The following UBAP1 variants were observed in gnomAD, a reference collection of about 807,000 sequenced individuals.
UBAP1 encodes the protein ubiquitin associated protein 1, also known as ubiquitin-associated protein 1.
Under a neutral mutation model 39.0 loss-of-function variants are expected in UBAP1, and 5 were observed. The observed-to-expected ratio is 0.13, with a 90% CI of 0.07 to 0.27. The LOEUF is 0.27. Among genes scored for constraint, UBAP1 ranks in the 10% least tolerant of loss-of-function variants. The probability of loss-of-function intolerance (pLI) is 1.00; values close to 1 mark genes in which losing one functional copy is unlikely to be tolerated. For synonymous variants in UBAP1, 211 were observed against 225.1 expected (o/e 0.94, Z 0.56); for missense variants, 490 against 608.1 (o/e 0.81, Z 2.04).
intron 1 of UBAP1, among the ~76,000 whole-genome samples, chr9:34,182,160 G>GTTTA (rs10530740): frequency 0.061 from 5,087 of 82,798 alleles, 219 homozygotes; most frequent in African/African-American, 0.098. Context: ...GATCCCTGAC[G>GTTTA]TTTATTTATT....
chr9:34,240,690 A>C (rs1587877814), intron 3 of UBAP1, among the ~76,000 whole-genome samples: 1 of 152,356 alleles, frequency 6.6e-6, no homozygotes, highest in East Asian at 1.9e-4. Context: ...GTTTAAGAGC[A>C]TAGAATCTGT....
At chr9:34,249,720 T>G (rs1587892324) in intron 4 of UBAP1, 59 bp from the exon 5 acceptor site, 1 of 1,549,394 alleles carries the variant, frequency 6.5e-7, no homozygotes, top group Non-Finnish European at 8.9e-7. Flanking sequence ...CTAGGCTGCC[T>G]CAGTGACTTC....
intron 3 of UBAP1, among the ~76,000 whole-genome samples, chr9:34,235,307 ATGTGTGTGTGTG>A (rs10535791): frequency 7.1e-6 from 1 of 140,476 alleles, no homozygotes; most frequent in Admixed American, 7.2e-5. Context: ...GTATATATAT[ATGTGTGTGTGTG>A]TGTGTGTGTG....
chr9:34,218,001 C>T (rs1430355688), intron 1 of UBAP1, among the ~76,000 whole-genome samples: 1 of 150,434 alleles, frequency 6.6e-6, no homozygotes, highest in Non-Finnish European at 1.5e-5. Flanking sequence ...GTCTGTGATC[C>T]CAGCACTTTG....
At chr9:34,192,515 C>CAAAAAAAA (rs4008753) in intron 1 of UBAP1, among the ~76,000 whole-genome samples, 1 of 107,506 alleles carries the variant, frequency 9.3e-6, no homozygotes. Context: ...GACTCCATCT[C>CAAAAAAAA]AAAAAAAAAA....
At chr9:34,246,248 T>C (rs1834172926) in intron 4 of UBAP1, among the ~76,000 whole-genome samples, 1 of 152,172 alleles carries the variant, frequency 6.6e-6, no homozygotes, top group African/African-American at 2.4e-5. Context: ...TTGTGTTTTG[T>C]AGAGATGAGT....
intron 2 of UBAP1, chr9:34,223,931 T>G (rs777186793): frequency 5.4e-5 from 16 of 295,960 alleles, no homozygotes; most frequent in Non-Finnish European, 8.5e-5. Flanking sequence ...GGGTTTTTTT[T>G]GGGAACAAAA....
In UBAP1 at chr9:34,250,638, C is replaced by A; in HGVS notation, c.1267-20C>A. On this transcript the variant is annotated intron_variant, in intron 5 of 6. Transcript: ENST00000297661. ...GCAAAGAGCAGCAGTAGGTGCTAAA[C>A]CCCTTGTTTCTTTTCTTAGATTCTC... The A allele has an allele frequency of 6.2e-7, 1 of 1,602,748 alleles. No homozygotes were observed. The highest frequency in any genetic ancestry group is 8.5e-7 in the Non-Finnish European group (1 of 1,171,294).
intron 3 of UBAP1, among the ~76,000 whole-genome samples, chr9:34,237,689 T>C (rs1444154736): frequency 6.6e-6 from 1 of 152,088 alleles, no homozygotes; most frequent in African/African-American, 2.4e-5. Flanking sequence ...CTCCTCAGCC[T>C]CCTGAGTAGC....
intron 1 of UBAP1, among the ~76,000 whole-genome samples, chr9:34,195,127 AC>A (rs1436538658): frequency 6.7e-6 from 1 of 149,816 alleles, no homozygotes; most frequent in African/African-American, 2.4e-5. Context: ...TGTATTTCAT[AC>A]ATTCAGGTAA....
intron 2 of UBAP1, among the ~76,000 whole-genome samples, chr9:34,226,115 G>GTGTGTGTGTGTGTGTGTT (rs1833048567): frequency 1.1e-5 from 1 of 92,732 alleles, no homozygotes; most frequent in African/African-American, 3.2e-5. Flanking sequence ...TTGTGTGTGT[G>GTGTGTGTGTGTGTGTGTT]TGTGTGTGTG....
intron 1 of UBAP1, among the ~76,000 whole-genome samples, chr9:34,192,515 C>CA (rs4008753): frequency 0.013 from 1,392 of 107,252 alleles, 21 homozygotes; most frequent in Middle Eastern, 0.022. Context: ...GACTCCATCT[C>CA]AAAAAAAAAA....
At chr9:34,189,782 G>A (rs1202519548) in intron 1 of UBAP1, among the ~76,000 whole-genome samples, 5 of 151,640 alleles carry the variant, frequency 3.3e-5, no homozygotes, top group Non-Finnish European at 7.4e-5. Flanking sequence ...GATTACGGGC[G>A]TGCTCCACCA....
chr9:34,228,821 T>A (rs1221914933), intron 2 of UBAP1, among the ~76,000 whole-genome samples: 1 of 151,606 alleles, frequency 6.6e-6, no homozygotes, highest in Non-Finnish European at 1.5e-5. Context: ...CCTTGAGTGA[T>A]CTATCCGCCT....
chr9:34,217,931 T>A (rs1219921319), intron 1 of UBAP1, among the ~76,000 whole-genome samples: 1 of 150,460 alleles, frequency 6.6e-6, no homozygotes, highest in Non-Finnish European at 1.5e-5. Flanking sequence ...TTCATTTTTT[T>A]ATGGTGAACA....
chr9:34,216,968 G>C (rs1230157189), intron 1 of UBAP1, among the ~76,000 whole-genome samples: 1 of 152,006 alleles, frequency 6.6e-6, no homozygotes, highest in Non-Finnish European at 1.5e-5. Flanking sequence ...CTTCCTATGT[G>C]ATGGTAACTT....
At chr9:34,248,278 C>T (rs1341644837) in intron 4 of UBAP1, among the ~76,000 whole-genome samples, 1 of 152,128 alleles carries the variant, frequency 6.6e-6, no homozygotes, top group Non-Finnish European at 1.5e-5. Context: ...TCATGATCCA[C>T]CTGCCTCGGC....
At chr9:34,191,363 C>T (rs1335577762) in intron 1 of UBAP1, among the ~76,000 whole-genome samples, 3 of 152,134 alleles carry the variant, frequency 2.0e-5, no homozygotes, top group Admixed American at 6.6e-5. Context: ...TCCTAAAGCA[C>T]CAGGATTGTG....
At chr9:34,202,283 C>T (rs1169966562) in intron 1 of UBAP1, among the ~76,000 whole-genome samples, 2 of 152,082 alleles carry the variant, frequency 1.3e-5, no homozygotes, top group Non-Finnish European at 2.9e-5. Context: ...AGGCATGCAC[C>T]ACCACGCCCG....
Sources: allele counts gnomAD v4.1 joint callset (sites outside exome capture counted in the v4.1 genomes callset), GRCh38; gene constraint gnomAD v4.1.1; transcripts MANE v1.5; gene names NCBI Gene and HGNC (gene_info 2026-07-23, HGNC 2026-07-21).